Variants in SEL1L3 observed in about 807,000 individuals in gnomAD.
SEL1L3 encodes the protein SEL1L family member 3, also known as protein sel-1 homolog 3.
SEL1L3 carries 76 observed loss-of-function variants against 142.8 expected under a neutral mutation model. The observed-to-expected ratio is 0.53, with a 90% confidence interval of 0.44 to 0.64. The LOEUF (loss-of-function observed/expected upper bound fraction) is 0.64, where lower values mean the gene tolerates loss of function less well. Ranked by LOEUF, SEL1L3 falls within the 30% of genes least tolerant of loss-of-function variation. The pLI is 0.00. For synonymous variants in SEL1L3, 504 were observed against 519.6 expected (o/e 0.97, Z 0.41); for missense variants, 1,262 against 1,381.7 (o/e 0.91, Z 1.37).
intron 14 of SEL1L3, 107 bp downstream of exon 14, chr4:25,784,121 C>T: frequency 1.0e-6 from 1 of 957,732 alleles, no homozygotes; most frequent in Non-Finnish European, 1.7e-6. Flanking sequence ...CCCGTTTCCA[C>T]CTTAGGGCTT....
At position 25,862,851 on chromosome 4, in the gene SEL1L3, G is replaced by A; in HGVS notation, c.-15C>T. 2 of 1,097,474 alleles carry A rather than the reference G, an allele frequency of 1.8e-6. No homozygotes were observed. Among genetic ancestry groups the A allele is most frequent in the Non-Finnish European group, 2.2e-6 (2 of 903,716 alleles). 68.0% of individuals were successfully genotyped at this position (1,097,474 alleles called of 1,614,324 possible). On this transcript the variant is annotated 5_prime_UTR_variant, in exon 1 of 24. Coordinates refer to ENST00000399878, the MANE Select transcript of SEL1L3 (RefSeq NM_015187.5). ...CGCCGCTGCATGGCGAGGCCGCCCG[G>A]ATCCGGGCCGGAACAGGTCACCTGG...
At chr4:25,755,939 A>AT (rs1396265452) in intron 23 of SEL1L3, 1 of 985,280 alleles carries the variant, frequency 1.0e-6, no homozygotes, top group Non-Finnish European at 1.2e-6. Context: ...ATGGGACAGA[A>AT]TTTGCATGAG....
At chr4:25,811,213 A>T (rs1713997008) in intron 9 of SEL1L3, among the ~76,000 whole-genome samples, 1 of 152,214 alleles carries the variant, frequency 6.6e-6, no homozygotes, top group African/African-American at 2.4e-5. Context: ...ATTACAGATC[A>T]TATGAAAGCA....
chr4:25,715,183 T>C, the SEL1L3 span, among the ~76,000 whole-genome samples: 4 of 152,104 alleles, frequency 2.6e-5, no homozygotes, highest in African/African-American at 9.7e-5. Flanking sequence ...TTCAACTTCG[T>C]TAATAATAAC....
rs776521412 is a variant in SEL1L3, at chr4:25,759,016, T to C, written c.3008A>G (p.His1003Arg). The C allele has an allele frequency of 2.2e-5, 35 of 1,613,616 alleles. No individual in the cohort carries two copies. The highest frequency in any genetic ancestry group is 2.8e-5 in the Non-Finnish European group (33 of 1,179,748). Reference protein sequence around the residue: ...LIEEGTIIPHHILDFLEIDST... With the variant: ...LIEEGTIIPHRILDFLEIDST... The stretch of plus-strand genomic sequence containing the variant: ...GTCAATTTCCAAGAAATCCAAGATA[T>C]GGTGTGGGATTATCGTACCTTCCTC... Residue 1003 changes from histidine to arginine, a missense_variant, in exon 21 of 24, where the codon CAT becomes CGT. Physicochemically the swap from His to Arg is conservative, Grantham distance 29. Around this residue, in one of 3 missense-constraint regions of SEL1L3, gnomAD observed 435 missense variants for 559.2 expected, o/e 0.78. Transcript: ENST00000399878.
chr4:25,853,549 G>T (rs1253014449), intron 1 of SEL1L3, among the ~76,000 whole-genome samples: 1 of 151,668 alleles, frequency 6.6e-6, no homozygotes, highest in Non-Finnish European at 1.5e-5. Context: ...TAAAAAAAAG[G>T]GCTGCAAAAT....
chr4:25,736,969 C>A, the SEL1L3 span, among the ~76,000 whole-genome samples: 6 of 108,726 alleles, frequency 5.5e-5, no homozygotes, highest in African/African-American at 1.8e-4. Context: ...TAATATGCTA[C>A]TCTTTTTTTT....
chr4:25,862,939 C>G lies in SEL1L3; in HGVS notation c.-103G>C, dbSNP rs1000538212. On this transcript the variant is annotated 5_prime_UTR_variant, in exon 1 of 24. Coordinates refer to ENST00000399878, the MANE Select transcript of SEL1L3 (RefSeq NM_015187.5). ...GCCCGCCCCCGGCCGGGCCGGCCGC[C>G]GCGCGCGGGGCCACCTGCCGCCACC... 1.9e-5 allele frequency: 16 copies of G among 846,266 alleles called. No homozygotes were observed. The highest frequency in any genetic ancestry group is 6.4e-5 in the Admixed American group (1 of 15,656). 52.4% of individuals were successfully genotyped at this position (846,266 alleles called of 1,614,324 possible).
In SEL1L3 at chr4:25,835,183, C is replaced by G; in HGVS notation, c.860+14G>C. ...GCACCGCCCGATCAGCTCCCTTCTG[C>G]TACCCATCCTTACACTGGGTAATCC... On this transcript the variant is annotated intron_variant, in intron 3 of 23. Coordinates refer to ENST00000399878, the MANE Select transcript of SEL1L3 (RefSeq NM_015187.5). 1 of 1,613,736 alleles carries G rather than the reference C, an allele frequency of 6.2e-7. No individual in the cohort carries two copies. Among genetic ancestry groups the G allele is most frequent in the Non-Finnish European group, 8.5e-7 (1 of 1,179,728 alleles).
downstream of SEL1L3, among the ~76,000 whole-genome samples, chr4:25,746,808 CTCTTT>C: frequency 6.6e-6 from 1 of 151,744 alleles, no homozygotes; most frequent in Non-Finnish European, 1.5e-5. Context: ...CCAATAAAAC[CTCTTT>C]TCTTTATAAA....
intron 20 of SEL1L3, among the ~76,000 whole-genome samples, chr4:25,763,883 T>C (rs967655869): frequency 6.6e-6 from 1 of 152,076 alleles, no homozygotes; most frequent in South Asian, 2.1e-4. Context: ...CCACCAAAGA[T>C]TGATACAGGG....
intron 2 of SEL1L3, among the ~76,000 whole-genome samples, chr4:25,843,813 G>C (rs1307988477): frequency 6.6e-6 from 1 of 152,216 alleles, no homozygotes; most frequent in Non-Finnish European, 1.5e-5. Flanking sequence ...CCAAAAATCA[G>C]CCTCATGGCC....
rs1715548817 is a variant in SEL1L3 at position 25,833,107 on chromosome 4, T to C, written c.986A>G (p.Tyr329Cys). 1.3e-6 allele frequency: 2 copies of C among 1,573,122 alleles called. No individual in the cohort carries two copies. Among genetic ancestry groups the C allele is most frequent in the African/African-American group, 1.3e-5 (1 of 74,234 alleles). ...GACAAGATGCATCTGAATATGCAAA[T>C]AGCCTAAAAGGAAAATTCGAGCACA... ...TPSVFLTEEG[Y>C]LHIQMHLVKG... The change falls in exon 5 of 24, where the codon TAT becomes TGT. Residue 329 changes from tyrosine (Y) to cysteine (C), a missense_variant. Around this residue, in one of 3 missense-constraint regions of SEL1L3, gnomAD observed 689 missense variants for 692.8 expected, o/e 0.99. Transcript: ENST00000399878.
chr4:25,838,150 G>A (rs1273206178), intron 2 of SEL1L3, among the ~76,000 whole-genome samples: 1 of 152,210 alleles, frequency 6.6e-6, no homozygotes, highest in African/African-American at 2.4e-5. Flanking sequence ...CCACAATTCT[G>A]TAATGTGCAC....
the SEL1L3 span, among the ~76,000 whole-genome samples, chr4:25,740,391 C>A: frequency 6.6e-6 from 1 of 151,080 alleles, no homozygotes; most frequent in South Asian, 2.1e-4. Flanking sequence ...TGAGATGGTG[C>A]CATTGCACTC....
At chr4:25,844,999 C>T (rs986703411) in intron 2 of SEL1L3, among the ~76,000 whole-genome samples, 4 of 151,820 alleles carry the variant, frequency 2.6e-5, no homozygotes, top group African/African-American at 4.8e-5. Flanking sequence ...ACCAGACAGA[C>T]AGGGTTATTA....
chr4:25,792,752 T>A (rs1712442620), intron 11 of SEL1L3, among the ~76,000 whole-genome samples: 1 of 152,192 alleles, frequency 6.6e-6, no homozygotes, highest in Admixed American at 6.5e-5. Flanking sequence ...AGAAATTGAG[T>A]CTCAGATAAA....
intron 11 of SEL1L3, among the ~76,000 whole-genome samples, chr4:25,797,342 T>C (rs79533986): frequency 0.017 from 2,556 of 152,256 alleles, 72 homozygotes; most frequent in African/African-American, 0.058. Context: ...GAGCCTGCAC[T>C]TCAACCGCTC....
Position 25,847,334 on chromosome 4 carries a change from G to A in SEL1L3, c.693C>T (p.Asn231=). 1 of 1,613,902 alleles carries A rather than the reference G, an allele frequency of 6.2e-7. No homozygotes were observed. Among genetic ancestry groups the A allele is most frequent in the Non-Finnish European group, 8.5e-7 (1 of 1,179,866 alleles). Reference sequence around the variant, plus strand: ...ACTGTGGAATCCTGTTTGCCCGAAGGTTCCAAATATAACCCATGTTCCACT... The same window carrying A: ...ACTGTGGAATCCTGTTTGCCCGAAGATTCCAAATATAACCCATGTTCCACT... ...CLEWNMGYIW[N]LRANRIPQCP... is the part of the protein sequence containing the mutation. The change falls in exon 2 of 24, where the codon AAC becomes AAT. Residue 231 remains asparagine, a synonymous_variant. Coordinates refer to ENST00000399878, the MANE Select transcript of SEL1L3 (RefSeq NM_015187.5).
Sources: allele counts gnomAD v4.1 joint callset (sites outside exome capture counted in the v4.1 genomes callset), GRCh38; gene constraint gnomAD v4.1.1; regional missense constraint gnomAD v4.1.1; transcripts MANE v1.5; gene names NCBI Gene and HGNC (gene_info 2026-07-23, HGNC 2026-07-21).